AGBL4: variants seen among roughly 807,000 people sequenced by gnomAD.
AGBL4 encodes the protein AGBL carboxypeptidase 4.
In AGBL4, 58 loss-of-function variants were observed where a neutral mutation model predicts 66.4. The ratio of observed to expected loss-of-function variants is 0.87; its 90% CI spans 0.71 to 1.09. The LOEUF is 1.09. AGBL4 is among the 50% of genes least tolerant of loss of function. AGBL4 has a pLI of 0.00. For synonymous variants in AGBL4, 234 were observed against 222.9 expected (o/e 1.05, Z -0.44); for missense variants, 579 against 631.0 (o/e 0.92, Z 0.88).
chr1:49,738,528 G>GTCCC (rs1237050098), intron 2 of AGBL4, among the ~76,000 whole-genome samples: 2 of 152,182 alleles, frequency 1.3e-5, no homozygotes, highest in African/African-American at 4.8e-5. Context: ...AGACTTAAAT[G>GTCCC]TCCCTGTCTG....
At chr1:49,207,605 C>CTT (rs1648336528) in intron 4 of AGBL4, among the ~76,000 whole-genome samples, 3 of 11,476 alleles carry the variant, frequency 2.6e-4, no homozygotes, top group African/African-American at 8.6e-4. Context: ...TTTCTTTCTT[C>CTT]TTTTTATTTT....
intron 3 of AGBL4, among the ~76,000 whole-genome samples, chr1:49,677,915 C>G (rs1646612719): frequency 6.6e-6 from 1 of 152,128 alleles, no homozygotes; most frequent in Non-Finnish European, 1.5e-5. Context: ...TGATCTTAGA[C>G]TTCCATTCTC....
intron 3 of AGBL4, among the ~76,000 whole-genome samples, chr1:49,371,359 T>G (rs1039265943): frequency 6.6e-6 from 1 of 152,160 alleles, no homozygotes; most frequent in African/African-American, 2.4e-5. Context: ...TGCTATCTCC[T>G]CTGCTAGAAA....
chr1:49,368,195 A>T (rs1230961698), intron 3 of AGBL4, among the ~76,000 whole-genome samples: 1 of 152,048 alleles, frequency 6.6e-6, no homozygotes, highest in Non-Finnish European at 1.5e-5. Context: ...CCCTTTGTCT[A>T]TTGTGAATAC....
In AGBL4 at chr1:49,881,049, G is replaced by A. The variant is rs559918835; in HGVS notation, c.35-29531C>T. ...ACAGTGCGCGCACCCACTGGCCTGCGCCCACTGTCTGGCACTCCCTAGTGA... is the reference window on the plus strand; with the variant it reads ...ACAGTGCGCGCACCCACTGGCCTGCACCCACTGTCTGGCACTCCCTAGTGA... On this transcript the variant is annotated intron_variant, in intron 1 of 13. Coordinates refer to ENST00000371839, the MANE Select transcript of AGBL4 (RefSeq NM_032785.4). 3.9e-4 allele frequency among the ~76,000 whole-genome samples: 59 copies of A among 152,168 alleles called. 1 individual carries two copies. The South Asian group carries it at 9.5e-3, about 25-fold the overall frequency.
rs142651383 is a variant in AGBL4 at position 49,356,779 on chromosome 1, C to T, written c.283-110915G>A. On this transcript the variant is annotated intron_variant, in intron 3 of 13. Coordinates refer to ENST00000371839, the MANE Select transcript of AGBL4 (RefSeq NM_032785.4). Reference sequence around the variant, plus strand: ...CTCAATGTAGGCAAAGTGGGAAATGCCTTCCTGTGGAGAGTCATTTCCATT... The same window carrying T: ...CTCAATGTAGGCAAAGTGGGAAATGTCTTCCTGTGGAGAGTCATTTCCATT... Among the ~76,000 whole-genome samples, 31 of 152,248 alleles carry T rather than the reference C, an allele frequency of 2.0e-4. No individual in the cohort carries two copies. The East Asian group carries it at 6.0e-3, about 29-fold the overall frequency.
At chr1:49,180,140 C>T (rs1420104209) in intron 4 of AGBL4, among the ~76,000 whole-genome samples, 7 of 152,028 alleles carry the variant, frequency 4.6e-5, no homozygotes, top group African/African-American at 7.2e-5. Context: ...TCAGGTGATC[C>T]GCCCGCCTCA....
chr1:49,107,941 G>A (rs969297696), intron 4 of AGBL4, among the ~76,000 whole-genome samples: 1 of 152,072 alleles, frequency 6.6e-6, no homozygotes, highest in African/African-American at 2.4e-5. Flanking sequence ...GTACCCATAG[G>A]GTGGGGGCTT....
chr1:49,889,740 C>T (rs1474897900), intron 1 of AGBL4, among the ~76,000 whole-genome samples: 3 of 151,788 alleles, frequency 2.0e-5, no homozygotes, highest in Non-Finnish European at 4.4e-5. Context: ...CTAGGTGACA[C>T]AGTGAGGCTC....
intron 4 of AGBL4, among the ~76,000 whole-genome samples, chr1:49,153,958 A>C (rs1393950272): frequency 6.6e-6 from 1 of 152,110 alleles, no homozygotes; most frequent in Non-Finnish European, 1.5e-5. Context: ...TCAGAGATTT[A>C]TTTTGAGTAC....
intron 6 of AGBL4, among the ~76,000 whole-genome samples, chr1:48,721,266 C>T (rs1647142433): frequency 6.6e-6 from 1 of 152,148 alleles, no homozygotes; most frequent in Non-Finnish European, 1.5e-5. Flanking sequence ...CCCTCACAGT[C>T]CCTGTGATCA....
chr1:48,546,936 GCA>G (rs891218582), intron 11 of AGBL4, among the ~76,000 whole-genome samples: 22 of 146,260 alleles, frequency 1.5e-4, no homozygotes, highest in African/African-American at 5.4e-4. Context: ...TGAAGAAAAT[GCA>G]CAGAGTCTGT....
At chr1:49,491,310 A>G (rs959559882) in intron 3 of AGBL4, among the ~76,000 whole-genome samples, 8 of 151,820 alleles carry the variant, frequency 5.3e-5, no homozygotes, top group Admixed American at 2.6e-4. Context: ...AAAGTTCTGA[A>G]AGTGAATAGG....
chr1:49,017,449 C>G (rs1226218877), intron 5 of AGBL4, among the ~76,000 whole-genome samples: 1 of 152,184 alleles, frequency 6.6e-6, no homozygotes, highest in African/African-American at 2.4e-5. Context: ...CTCTTAACTT[C>G]AGATTCCTAT....
chr1:49,953,950 G>A (rs929139355), intron 1 of AGBL4, among the ~76,000 whole-genome samples: 2 of 151,860 alleles, frequency 1.3e-5, no homozygotes, highest in Non-Finnish European at 2.9e-5. Context: ...TGGAGTTGCA[G>A]TCGTGTGATA....
At chr1:49,056,687 G>A (rs1258493420) in intron 4 of AGBL4, among the ~76,000 whole-genome samples, 3 of 152,080 alleles carry the variant, frequency 2.0e-5, no homozygotes, top group Non-Finnish European at 4.4e-5. Context: ...GGATTGGGAG[G>A]AGTGAAAGCG....
chr1:49,960,200 C>T (rs1196021875), intron 1 of AGBL4, among the ~76,000 whole-genome samples: 1 of 151,870 alleles, frequency 6.6e-6, no homozygotes, highest in Admixed American at 6.6e-5. Context: ...TTTAAAAAGG[C>T]AGTGTATATA....
chr1:48,747,968 G>C (rs1651026799), intron 6 of AGBL4, among the ~76,000 whole-genome samples: 1 of 151,674 alleles, frequency 6.6e-6, no homozygotes, highest in Non-Finnish European at 1.5e-5. Flanking sequence ...TTTTACTTCT[G>C]TAAGTAGATA....
intron 3 of AGBL4, among the ~76,000 whole-genome samples, chr1:49,281,006 A>AT (rs1382875794): frequency 6.6e-6 from 1 of 152,230 alleles, no homozygotes; most frequent in African/African-American, 2.4e-5. Context: ...TACCGTATAT[A>AT]TAATTTGTTG....
Sources: allele counts gnomAD v4.1 joint callset (sites outside exome capture counted in the v4.1 genomes callset), GRCh38; gene constraint gnomAD v4.1.1; transcripts MANE v1.5; gene names NCBI Gene and HGNC (gene_info 2026-07-23, HGNC 2026-07-21).